Variants in TATDN2 observed in about 807,000 individuals in gnomAD.
The protein encoded by TATDN2 is TatD DNase domain containing 2, also known as 3'-5' RNA nuclease TATDN2.
In TATDN2, 44 loss-of-function variants were observed where a neutral mutation model predicts 60.3. The ratio of observed to expected loss-of-function variants is 0.73; its 90% CI spans 0.57 to 0.94. The LOEUF is 0.94. Ranked by LOEUF, TATDN2 falls within the 40% of genes least tolerant of loss-of-function variation. The pLI is 0.00. For synonymous variants in TATDN2, 399 were observed against 355.8 expected (o/e 1.12, Z -1.37); for missense variants, 997 against 948.0 (o/e 1.05, Z -0.68).
chr3:10,250,542 C>G lies in TATDN2; in HGVS notation c.414+928C>G, dbSNP rs566304371. Among the ~76,000 whole-genome samples, 5 of 152,188 alleles carry G rather than the reference C, an allele frequency of 3.3e-5. No individual in the cohort carries two copies. In the East Asian group the frequency reaches 9.7e-4, roughly 29 times the overall value. ...AATTACTTTACAAAAGCAATTAAAACAGGCCCTAAGGAATATGTGTTTGTT... is the reference window on the plus strand; with the variant it reads ...AATTACTTTACAAAAGCAATTAAAAGAGGCCCTAAGGAATATGTGTTTGTT... On this transcript the variant is annotated intron_variant, in intron 2 of 7. Coordinates refer to ENST00000448281, the MANE Select transcript of TATDN2 (RefSeq NM_014760.4).
intron 3 of TATDN2, among the ~76,000 whole-genome samples, chr3:10,266,338 G>C (rs1268155597): frequency 6.6e-6 from 1 of 152,176 alleles, no homozygotes; most frequent in Non-Finnish European, 1.5e-5. Context: ...TTGTGTGGAT[G>C]AATTTTCTAA....
At chr3:10,249,644 G>GA (rs1225188262) in intron 2 of TATDN2, 30 bp downstream of exon 2, 2 of 1,498,620 alleles carry the variant, frequency 1.3e-6, no homozygotes, top group Non-Finnish European at 1.8e-6. Flanking sequence ...TGCAATCGGT[G>GA]AAGCCCCTTC....
intron 7 of TATDN2, 54 bp downstream of exon 7, chr3:10,279,117 C>T (rs1698685658): frequency 1.3e-6 from 2 of 1,488,708 alleles, no homozygotes; most frequent in East Asian, 2.3e-5. Context: ...TCTTTTGTTG[C>T]ATTTTGTTAA....
intron 2 of TATDN2, among the ~76,000 whole-genome samples, chr3:10,251,614 G>A (rs149242009): frequency 2.1e-3 from 314 of 152,142 alleles, no homozygotes; most frequent in African/African-American, 6.9e-3. Flanking sequence ...TCTAACTCCT[G>A]ACTGCAAGTG....
chr3:10,279,067 G>A lies in TATDN2; in HGVS notation c.*38+4G>A, dbSNP rs1032090915. On this transcript the variant is annotated splice_donor_region_variant and intron_variant, in intron 7 of 7. Transcript: ENST00000448281. ...CCTCGGGAGTCTCCTAGAAAAGGTC[G>A]TAAAACTCACATTCTGTATTTTTTA... The A allele has an allele frequency of 3.8e-6, 6 of 1,589,368 alleles. No homozygotes were observed. The African/African-American group carries it at 4.1e-5, about 11-fold the overall frequency.
At chr3:10,263,466 C>T (rs560706895) in intron 3 of TATDN2, among the ~76,000 whole-genome samples, 1 of 152,138 alleles carries the variant, frequency 6.6e-6, no homozygotes, top group African/African-American at 2.4e-5. Context: ...AGGACTGGTC[C>T]TGTAATTTTA....
rs1340176772 is a variant in TATDN2 at position 10,252,949 on chromosome 3, C to T, written c.414+3335C>T. The stretch of plus-strand genomic sequence containing the variant: ...TCGGCTCACTGCAAGCTCCGCCTCC[C>T]GGGTTCACGCCATTCTCCTTCCTCA... On this transcript the variant is annotated intron_variant, in intron 2 of 7. Transcript: ENST00000448281. Among the ~76,000 whole-genome samples the T allele has an allele frequency of 3.3e-5, 5 of 151,604 alleles. No individual in the cohort carries two copies. The South Asian group carries it at 6.2e-4, about 19-fold the overall frequency.
intron 4 of TATDN2, among the ~76,000 whole-genome samples, chr3:10,271,262 T>C (rs1698559788): frequency 6.6e-6 from 1 of 152,222 alleles, no homozygotes; most frequent in Non-Finnish European, 1.5e-5. Flanking sequence ...ATGATATCAA[T>C]GTCAAAACAT....
At chr3:10,256,270 C>T in intron 2 of TATDN2, among the ~76,000 whole-genome samples, 1 of 152,074 alleles carries the variant, frequency 6.6e-6, no homozygotes, top group South Asian at 2.1e-4. Flanking sequence ...ACCTTCCACA[C>T]TCAAGCAATC....
chr3:10,259,945 G>A (rs961393261), intron 2 of TATDN2, among the ~76,000 whole-genome samples, 192 bp from the exon 3 acceptor site: 3 of 152,170 alleles, frequency 2.0e-5, no homozygotes, highest in Admixed American at 2.0e-4. Flanking sequence ...GCATGAGAAG[G>A]CGAATGCTAA....
intron 3 of TATDN2, among the ~76,000 whole-genome samples, chr3:10,263,656 T>C (rs1331581297): frequency 2.0e-5 from 3 of 152,218 alleles, no homozygotes; most frequent in Non-Finnish European, 4.4e-5. Flanking sequence ...TTCTGTTATC[T>C]CTTTTAGGGA....
Position 10,278,575 on chromosome 3 carries a change from C to A in TATDN2, c.2145+113C>A. ...GCCCCAGTGACTTCCAGGTCCCATCCTGGGCTGTGTAGATGCCTCCTTGCT... is the reference window on the plus strand; with the variant it reads ...GCCCCAGTGACTTCCAGGTCCCATCATGGGCTGTGTAGATGCCTCCTTGCT... On this transcript the variant is annotated intron_variant, in intron 6 of 7. Transcript: ENST00000448281. The surrounding 1 kb of genome is among the most constrained non-coding windows in gnomAD (Gnocchi z 4.7). 7.0e-7 allele frequency: 1 copy of A among 1,438,006 alleles called. No homozygotes were observed. Among genetic ancestry groups the A allele is most frequent in the Admixed American group, 1.7e-5 (1 of 59,314 alleles). The allele number at this position is 1,438,006 out of a possible 1,614,324, so 89.1% of individuals were successfully genotyped here. A position where few individuals can be genotyped will look rare whatever the true frequency, so the allele number is the denominator to read the frequency against.
At position 10,249,541 on chromosome 3, in the gene TATDN2, G is replaced by T. The variant is rs768418396; in HGVS notation, c.341G>T (p.Gly114Val). 1.1e-4 allele frequency: 171 copies of T among 1,591,072 alleles called. 1 individual carries two copies. The Admixed American group carries it at 2.9e-3, about 27-fold the overall frequency. ...RNTRGFLSSGGSPLRPANASL... is the reference protein window; with the variant it reads ...RNTRGFLSSGVSPLRPANASL... ...ACTCGGGGGTTCCTGTCTTCAGGGG[G>T]ATCCCCTCTGCGTCCTGCCAACGCC... is the stretch of plus-strand genomic sequence containing the variant. The change falls in exon 2 of 8, where the codon GGA (glycine) becomes GTA (valine). Residue 114 changes from glycine (G) to valine (V), a missense_variant. Physicochemically the swap from Gly to Val is moderately radical, Grantham distance 109. Coordinates refer to ENST00000448281, the MANE Select transcript of TATDN2 (RefSeq NM_014760.4).
intron 3 of TATDN2, among the ~76,000 whole-genome samples, chr3:10,261,536 A>C (rs772677669): frequency 4.0e-5 from 6 of 151,808 alleles, no homozygotes; most frequent in Non-Finnish European, 7.4e-5. Context: ...AAACCGGCTA[A>C]TTTTTGTATT....
Position 10,279,949 on chromosome 3 carries a change from C to T in TATDN2, c.*767C>T, listed in dbSNP as rs1304718382. The T allele has an allele frequency of 6.5e-6, 1 of 153,752 alleles. No homozygotes were observed. The highest frequency in any genetic ancestry group is 1.5e-5 in the Non-Finnish European group (1 of 68,090). The allele number at this position is 153,752 out of a possible 1,614,324, so 9.5% of individuals were successfully genotyped here. A position where few individuals can be genotyped will look rare whatever the true frequency, so the allele number is the denominator to read the frequency against. ...GGAGGTACTTCCTCCTCACTGATGCCCTCAGGGCTGCTGTGTGGGTGTGTT... is the reference window on the plus strand; with the variant it reads ...GGAGGTACTTCCTCCTCACTGATGCTCTCAGGGCTGCTGTGTGGGTGTGTT... On this transcript the variant is annotated 3_prime_UTR_variant, in exon 8 of 8. Transcript: ENST00000448281.
chr3:10,270,062 G>C lies in TATDN2; in HGVS notation c.949-69G>C, dbSNP rs1476282432. The C allele has an allele frequency of 1.8e-5, 28 of 1,542,360 alleles. No homozygotes were observed. The Admixed American group carries it at 5.4e-4, about 30-fold the overall frequency. On this transcript the variant is annotated intron_variant, in intron 3 of 7. Coordinates refer to ENST00000448281, the MANE Select transcript of TATDN2 (RefSeq NM_014760.4). ...AACAAGCCAGGGTTTATGTTCAGCT[G>C]ATGACAGCCTGGGAGGCCATCTTCA... is the stretch of plus-strand genomic sequence containing the variant.
At chr3:10,249,683 AT>A in intron 2 of TATDN2, 69 bp downstream of exon 2, 2 of 1,452,494 alleles carry the variant, frequency 1.4e-6, no homozygotes, top group Non-Finnish European at 1.8e-6. Flanking sequence ...GGGGATGGGA[AT>A]TTTGGTGGAA....
Position 10,249,347 on chromosome 3 carries a change from C to T in TATDN2, c.147C>T (p.Pro49=). 6.2e-7 allele frequency: 1 copy of T among 1,612,570 alleles called. No homozygotes were observed. Among genetic ancestry groups the T allele is most frequent in the Non-Finnish European group, 8.5e-7 (1 of 1,179,050 alleles). Residue 49 remains proline, a synonymous_variant, in exon 2 of 8, where the codon CCC becomes CCT. Coordinates refer to ENST00000448281, the MANE Select transcript of TATDN2 (RefSeq NM_014760.4). ...AQRSASRSGG[P]SSPKRLKAQK... is the part of the protein sequence containing the mutation. The stretch of plus-strand genomic sequence containing the variant: ...GGTCTGCGTCGCGTTCTGGAGGGCC[C>T]AGCAGCCCCAAGCGCCTGAAAGCCC...
chr3:10,259,297 G>A (rs532987485), intron 2 of TATDN2, among the ~76,000 whole-genome samples: 5 of 152,242 alleles, frequency 3.3e-5, no homozygotes, highest in Admixed American at 1.3e-4. Flanking sequence ...TACCTGGTCT[G>A]TATTTACTTT....
Sources: gnomAD v4.1 joint callset for allele counts (sites outside exome capture counted in the v4.1 genomes callset) on GRCh38, gnomAD v4.1.1 for gene constraint, Gnocchi (gnomAD v3.1) non-coding constraint, MANE v1.5 for transcripts, NCBI Gene and HGNC (gene_info 2026-07-23, HGNC 2026-07-21) for gene names.